Variants in ZRANB3 observed in about 807,000 individuals in gnomAD.
The protein encoded by ZRANB3 is zinc finger RANBP2-type containing 3.
ZRANB3 carries 125 observed loss-of-function variants against 133.8 expected under a neutral mutation model. That is an observed-to-expected ratio of 0.93 (90% CI 0.81 to 1.08). ZRANB3 has a LOEUF of 1.08. Among genes scored for constraint, ZRANB3 ranks in the 50% least tolerant of loss-of-function variants. The pLI, the probability that ZRANB3 is intolerant of heterozygous loss-of-function variation, is 0.00. For synonymous variants in ZRANB3, 387 were observed against 432.7 expected (o/e 0.89, Z 1.31); for missense variants, 1,229 against 1,275.5 (o/e 0.96, Z 0.56).
chr2:135,405,319 G>C (rs1021678579), intron 2 of ZRANB3, among the ~76,000 whole-genome samples: 65 of 152,270 alleles, frequency 4.3e-4, no homozygotes, highest in African/African-American at 1.3e-3. Context: ...GATTCATAAA[G>C]CAAGTCATGA....
intron 12 of ZRANB3, among the ~76,000 whole-genome samples, chr2:135,254,187 T>G (rs1346312634): frequency 6.6e-6 from 1 of 152,188 alleles, no homozygotes; most frequent in African/African-American, 2.4e-5. Context: ...CTGCCTGAAA[T>G]TGGACCTACT....
At chr2:135,528,753 C>T (rs1195247034) in intron 1 of ZRANB3, among the ~76,000 whole-genome samples, 1 of 152,144 alleles carries the variant, frequency 6.6e-6, no homozygotes, top group Non-Finnish European at 1.5e-5. Flanking sequence ...GGTAGATCTA[C>T]AAAAATGTCT....
chr2:135,434,497 G>C (rs1689447221), intron 2 of ZRANB3, among the ~76,000 whole-genome samples: 1 of 152,218 alleles, frequency 6.6e-6, no homozygotes, highest in African/African-American at 2.4e-5. Flanking sequence ...TTAAAATGGT[G>C]ATTGATGTGC....
chr2:135,444,465 A>G (rs1559003442), intron 2 of ZRANB3, among the ~76,000 whole-genome samples: 1 of 152,220 alleles, frequency 6.6e-6, no homozygotes, highest in South Asian at 2.1e-4. Context: ...TTTATACAAC[A>G]AGGATGAACC....
intron 2 of ZRANB3, among the ~76,000 whole-genome samples, chr2:135,392,478 G>A (rs1023995599): frequency 2.0e-5 from 3 of 151,898 alleles, no homozygotes; most frequent in Admixed American, 6.6e-5. Flanking sequence ...GGCCGGGCAC[G>A]GTGGCTAACG....
intron 15 of ZRANB3, among the ~76,000 whole-genome samples, chr2:135,223,516 G>A (rs984573864): frequency 1.3e-5 from 2 of 151,458 alleles, no homozygotes; most frequent in South Asian, 2.1e-4. Context: ...AGTAGAGGTG[G>A]GGGGTTTCAC....
At chr2:135,330,898 C>T (rs1305093973) in intron 6 of ZRANB3, among the ~76,000 whole-genome samples, 1 of 152,002 alleles carries the variant, frequency 6.6e-6, no homozygotes, top group Non-Finnish European at 1.5e-5. Context: ...TGATGATATC[C>T]CTTTTATCAT....
intron 8 of ZRANB3, among the ~76,000 whole-genome samples, chr2:135,276,166 AT>A (rs992700450): frequency 1.3e-5 from 2 of 151,150 alleles, no homozygotes; most frequent in African/African-American, 2.4e-5. Context: ...GATGAAGAGC[AT>A]TTTTTTTTAA....
intron 6 of ZRANB3, among the ~76,000 whole-genome samples, chr2:135,343,752 A>C (rs1011752568): frequency 6.7e-6 from 1 of 150,234 alleles, no homozygotes; most frequent in South Asian, 2.1e-4. Context: ...GACAGAAAAA[A>C]AGTACAAATT....
intron 2 of ZRANB3, among the ~76,000 whole-genome samples, chr2:135,421,890 C>CTTTTTTTTTTTTTTTTTTTTTT (rs79373075): frequency 7.8e-6 from 1 of 127,514 alleles, no homozygotes; most frequent in Non-Finnish European, 1.7e-5. Flanking sequence ...TTTTTTTTTC[C>CTTTTTTTTTTTTTTTTTTTTTT]TTTTTTTTTT....
chr2:135,355,404 C>T (rs927973540), intron 3 of ZRANB3: 24 of 403,330 alleles, frequency 6.0e-5, no homozygotes, highest in Non-Finnish European at 8.0e-5. Flanking sequence ...TCTTGTTGCC[C>T]AGGCTGGAGT....
intron 15 of ZRANB3, among the ~76,000 whole-genome samples, chr2:135,221,533 A>G (rs1240103861): frequency 6.6e-6 from 1 of 152,186 alleles, no homozygotes; most frequent in East Asian, 1.9e-4. Context: ...CAGAGCTTTC[A>G]TTGTATAGAG....
At chr2:135,269,236 C>T (rs1680397740) in intron 10 of ZRANB3, 95 bp from the exon 11 acceptor site, 8 of 1,029,114 alleles carry the variant, frequency 7.8e-6, no homozygotes, top group Non-Finnish European at 1.0e-5. Context: ...CACTGAAGGA[C>T]TTGAAAACAA....
In ZRANB3 at chr2:135,466,382, C is replaced by CAA. The variant is rs553890734; in HGVS notation, c.161+37945_161+37946dup. 3.4e-3 allele frequency among the ~76,000 whole-genome samples: 96 copies of CAA among 28,246 alleles called. 8 individuals are homozygous for CAA. Among genetic ancestry groups the CAA allele is most frequent in the Admixed American group, 5.1e-3 (10 of 1,946 alleles). The allele number at this position is 28,246 out of a possible 152,430, so 18.5% of individuals were successfully genotyped here. Reference sequence around the variant, plus strand: ...TGGGCGACAGAGTAAGACTCCGTCACAAAAAAAAAAAAAAAAAAAAAAAAA... The same window carrying CAA: ...TGGGCGACAGAGTAAGACTCCGTCACAAAAAAAAAAAAAAAAAAAAAAAAAAA... On this transcript the variant is annotated intron_variant, in intron 2 of 20. Transcript: ENST00000264159.
chr2:135,229,695 T>C (rs1241797739), intron 13 of ZRANB3, among the ~76,000 whole-genome samples: 3 of 152,196 alleles, frequency 2.0e-5, no homozygotes, highest in East Asian at 3.9e-4. Context: ...TAATGTATGA[T>C]GCAAAATTAG....
At chr2:135,217,680 C>T (rs1558836302) in intron 16 of ZRANB3, 73 bp from the exon 17 acceptor site, 1 of 1,528,230 alleles carries the variant, frequency 6.5e-7, no homozygotes. Flanking sequence ...AGCCTATTTA[C>T]AACATCAGAA....
At chr2:135,346,536 A>C (rs1047848381) in intron 5 of ZRANB3, among the ~76,000 whole-genome samples, 1 of 151,630 alleles carries the variant, frequency 6.6e-6, no homozygotes, top group Admixed American at 6.6e-5. Flanking sequence ...CCATCCATCC[A>C]TTCATTCATC....
chr2:135,412,202 A>G (rs766911381), intron 2 of ZRANB3, among the ~76,000 whole-genome samples: 8 of 152,296 alleles, frequency 5.3e-5, no homozygotes, highest in Non-Finnish European at 1.2e-4. Flanking sequence ...TTTTTAGCAT[A>G]TAATTCAATA....
chr2:135,209,360 T>C (rs1332176621), intron 17 of ZRANB3, among the ~76,000 whole-genome samples: 1 of 152,186 alleles, frequency 6.6e-6, no homozygotes, highest in Non-Finnish European at 1.5e-5. Flanking sequence ...CTAACTGTAT[T>C]TTACCTCCCT....
Sources: allele counts gnomAD v4.1 joint callset (sites outside exome capture counted in the v4.1 genomes callset), GRCh38; gene constraint gnomAD v4.1.1; transcripts MANE v1.5; gene names NCBI Gene and HGNC (gene_info 2026-07-23, HGNC 2026-07-21).